Variants in ITPR2 observed in about 807,000 individuals in gnomAD.
ITPR2 encodes inositol 1,4,5-trisphosphate receptor type 2.
A neutral mutation model predicts 317.1 loss-of-function variants in ITPR2; 207 were observed. The observed-to-expected ratio is 0.65, with a 90% CI of 0.58 to 0.73. The LOEUF (loss-of-function observed/expected upper bound fraction) is 0.73, where lower values mean the gene tolerates loss of function less well. Ranked by LOEUF, ITPR2 falls within the 30% of genes least tolerant of loss-of-function variation. ITPR2 has a pLI of 0.00. For synonymous variants in ITPR2, 1,156 were observed against 1,149.1 expected, an observed-to-expected ratio of 1.01 and a Z score of -0.12; for missense variants, 2,613 against 3,284.0, an observed-to-expected ratio of 0.80 and a Z score of 4.99.
intron 37 of ITPR2, 84 bp downstream of exon 37, chr12:26,550,163 G>T: frequency 1.7e-6 from 1 of 593,654 alleles, no homozygotes; most frequent in Non-Finnish European, 2.9e-6. Context: ...AAGTAATCAC[G>T]TAATAGCCTA....
chr12:26,768,517 A>G (rs1402149783), intron 2 of ITPR2, among the ~76,000 whole-genome samples: 1 of 145,348 alleles, frequency 6.9e-6, no homozygotes, highest in East Asian at 2.0e-4. Flanking sequence ...TTCAGATCTA[A>G]AGGTATTAGT....
In ITPR2 at chr12:26,657,829, A is replaced by T. The variant is rs775656124; in HGVS notation, c.2070T>A (p.Asp690Glu). 1 of 1,614,172 alleles carries T rather than the reference A, an allele frequency of 6.2e-7. No individual in the cohort carries two copies. The highest frequency in any genetic ancestry group is 8.5e-7 in the Non-Finnish European group (1 of 1,180,006). Residue 690 changes from aspartate to glutamate, a missense_variant, in exon 18 of 57, where the codon GAT becomes GAA. Asp to Glu is a conservative substitution (Grantham distance 45, BLOSUM62 2). This residue lies in a region of ITPR2 where 817 missense variants were observed against 897.6 expected (regional missense o/e 0.91). Coordinates refer to ENST00000381340, the MANE Select transcript of ITPR2 (RefSeq NM_002223.4). ...CAATCCAATAGAGCCAAACTTCTTC[A>T]TCATCAATGTCATCTGAAAGGATGG... is the stretch of plus-strand genomic sequence containing the variant. ...ESSILSDDID[D>E]EEVWLYWIDS...
At chr12:26,509,958 TTGTGTGTGTGTGTGTGTGTGTG>T (rs56063133) in intron 37 of ITPR2, among the ~76,000 whole-genome samples, 1 of 53,196 alleles carries the variant, frequency 1.9e-5, no homozygotes, top group East Asian at 5.8e-4. Flanking sequence ...GATAAGGGTT[TTGTGTGTGTGTGTGTGTGTGTG>T]TGTGTGTGTG....
At chr12:26,683,253 T>C (rs1207117198) in intron 11 of ITPR2, among the ~76,000 whole-genome samples, 2 of 152,158 alleles carry the variant, frequency 1.3e-5, no homozygotes, top group East Asian at 1.9e-4. Flanking sequence ...AGAACATACA[T>C]AGAGTGGCAA....
intron 37 of ITPR2, among the ~76,000 whole-genome samples, chr12:26,510,385 G>A (rs1329385069): frequency 6.6e-6 from 1 of 151,730 alleles, no homozygotes; most frequent in Admixed American, 6.6e-5. Flanking sequence ...ACATAATAAA[G>A]GATGAGAAGA....
At chr12:26,821,123 A>C (rs1459036978) in intron 1 of ITPR2, among the ~76,000 whole-genome samples, 1 of 152,258 alleles carries the variant, frequency 6.6e-6, no homozygotes, top group African/African-American at 2.4e-5. Flanking sequence ...TAAACGGTCA[A>C]AATGATAAAT....
At chr12:26,380,323 T>C (rs1178155850) in intron 55 of ITPR2, among the ~76,000 whole-genome samples, 1 of 152,186 alleles carries the variant, frequency 6.6e-6, no homozygotes, top group East Asian at 1.9e-4. Context: ...TACACATGAA[T>C]ACTAAAGAGA....
intron 10 of ITPR2, among the ~76,000 whole-genome samples, chr12:26,694,726 T>C (rs1948304926): frequency 6.6e-6 from 1 of 152,182 alleles, no homozygotes; most frequent in South Asian, 2.1e-4. Flanking sequence ...GGGGCAGCCA[T>C]GTGAAAACCA....
At chr12:26,576,944 TG>T (rs1379178676) in intron 34 of ITPR2, among the ~76,000 whole-genome samples, 2 of 151,942 alleles carry the variant, frequency 1.3e-5, no homozygotes, top group Non-Finnish European at 2.9e-5. Context: ...ATCCTGGGAG[TG>T]GGTTTCTAAT....
At chr12:26,782,006 ATATATATATATATATATATATATATAT>A (rs1565759539) in intron 2 of ITPR2, among the ~76,000 whole-genome samples, 5 of 30,370 alleles carry the variant, frequency 1.6e-4, no homozygotes, top group Admixed American at 9.9e-4. Flanking sequence ...ATATATATAT[ATATATATATATATATATATATATATAT>A]GTATAGAGAG....
chr12:26,475,859 C>A (rs1279100610), intron 44 of ITPR2, among the ~76,000 whole-genome samples: 1 of 152,158 alleles, frequency 6.6e-6, no homozygotes, highest in Non-Finnish European at 1.5e-5. Flanking sequence ...GCCATCGGTC[C>A]TAATCCAGGG....
intron 33 of ITPR2, among the ~76,000 whole-genome samples, chr12:26,579,306 AAG>A (rs1231382178): frequency 6.6e-6 from 1 of 152,218 alleles, no homozygotes; most frequent in Non-Finnish European, 1.5e-5. Flanking sequence ...ATATTTTTAG[AAG>A]AGTTATACAC....
chr12:26,824,074 C>A (rs1256188705), intron 1 of ITPR2, among the ~76,000 whole-genome samples: 1 of 152,178 alleles, frequency 6.6e-6, no homozygotes, highest in Non-Finnish European at 1.5e-5. Flanking sequence ...GTCAAAAATT[C>A]ATTTAATACA....
chr12:26,682,570 T>A lies in ITPR2; in HGVS notation c.1248+4A>T, dbSNP rs747374173. 1 of 1,581,572 alleles carries A rather than the reference T, an allele frequency of 6.3e-7. No homozygotes were observed. Among genetic ancestry groups the A allele is most frequent in the Non-Finnish European group, 8.7e-7 (1 of 1,154,482 alleles). Reference sequence around the variant, plus strand: ...AAAATTAAACCATCTTCAGTGACATTTACCTTTAACATAACAGGCCTCTCT... The same window carrying A: ...AAAATTAAACCATCTTCAGTGACATATACCTTTAACATAACAGGCCTCTCT... On this transcript the variant is annotated splice_donor_region_variant and intron_variant, in intron 12 of 56. Transcript: ENST00000381340.
chr12:26,585,566 G>T (rs537258761), intron 32 of ITPR2, among the ~76,000 whole-genome samples: 2 of 151,974 alleles, frequency 1.3e-5, no homozygotes, highest in East Asian at 3.9e-4. Context: ...CACAACACCC[G>T]ACTAATTTTT....
At chr12:26,460,769 G>A (rs981088739) in intron 45 of ITPR2, among the ~76,000 whole-genome samples, 17 of 152,160 alleles carry the variant, frequency 1.1e-4, no homozygotes, top group African/African-American at 4.1e-4. Context: ...GAGAACCACT[G>A]CTTTAGAGCT....
intron 13 of ITPR2, among the ~76,000 whole-genome samples, chr12:26,671,943 C>A (rs960159480): frequency 6.6e-6 from 1 of 150,890 alleles, no homozygotes; most frequent in Admixed American, 6.6e-5. Flanking sequence ...AAGATCAAAA[C>A]AGACAAAGAA....
At chr12:26,820,233 TA>T (rs1950918931) in intron 1 of ITPR2, among the ~76,000 whole-genome samples, 1 of 152,208 alleles carries the variant, frequency 6.6e-6, no homozygotes, top group African/African-American at 2.4e-5. Context: ...CCATCCATTT[TA>T]AAAGAATTGC....
intron 45 of ITPR2, among the ~76,000 whole-genome samples, chr12:26,463,708 AC>A (rs1942099984): frequency 6.7e-6 from 1 of 148,232 alleles, no homozygotes; most frequent in Non-Finnish European, 1.5e-5. Flanking sequence ...CAAAAAAAAA[AC>A]AAATTAAGTA....
Sources: allele counts gnomAD v4.1 joint callset (sites outside exome capture counted in the v4.1 genomes callset), GRCh38; gene constraint gnomAD v4.1.1; regional missense constraint gnomAD v4.1.1; transcripts MANE v1.5; gene names NCBI Gene and HGNC (gene_info 2026-07-23, HGNC 2026-07-21).